The following TATDN1 variants were observed in gnomAD, a reference collection of about 807,000 sequenced individuals.
TATDN1 encodes deoxyribonuclease TATDN1.
A neutral mutation model predicts 46.4 loss-of-function variants in TATDN1; 40 were observed. That is an observed-to-expected ratio of 0.86 (90% CI 0.67 to 1.12). The LOEUF (loss-of-function observed/expected upper bound fraction) is 1.12. TATDN1 is among the 50% of genes most tolerant of loss of function. The pLI is 0.00. For synonymous variants in TATDN1, 95 were observed against 105.6 expected (o/e 0.90, Z 0.62); for missense variants, 326 against 348.4 (o/e 0.94, Z 0.51).
At chr8:124,529,466 A>T (rs1820775681) in intron 1 of TATDN1, among the ~76,000 whole-genome samples, 1 of 152,174 alleles carries the variant, frequency 6.6e-6, no homozygotes, top group African/African-American at 2.4e-5. Flanking sequence ...GTTACAAAAT[A>T]TCTCAGCAAG....
chr8:124,514,676 C>T (rs1203987430), intron 6 of TATDN1, among the ~76,000 whole-genome samples: 1 of 152,140 alleles, frequency 6.6e-6, no homozygotes, highest in Admixed American at 6.5e-5. Context: ...CAACAAAATG[C>T]TTACGTTTTA....
intron 1 of TATDN1, among the ~76,000 whole-genome samples, chr8:124,534,903 TTTAC>T (rs1216059860): frequency 6.6e-6 from 1 of 152,208 alleles, no homozygotes; most frequent in Non-Finnish European, 1.5e-5. Context: ...AGGAAAGCAC[TTTAC>T]TTATTACCCA....
rs1818710352 is a variant in TATDN1 at position 124,508,515 on chromosome 8, C to T, written c.476-1G>A. The T allele has an allele frequency of 6.2e-7, 1 of 1,612,844 alleles. No individual in the cohort carries two copies. The highest frequency in any genetic ancestry group is 1.1e-5 in the South Asian group (1 of 90,946). On this transcript the variant is annotated splice_acceptor_variant, in intron 7 of 11. Coordinates refer to ENST00000276692, the MANE Select transcript of TATDN1 (RefSeq NM_032026.4). LOFTEE classifies it high-confidence loss of function. Reference sequence around the variant, plus strand: ...CGATCTCTATTTCTTTTCATTATGTCTGTGAATTAAAAACAAAGAACTTTT... The same window carrying T: ...CGATCTCTATTTCTTTTCATTATGTTTGTGAATTAAAAACAAAGAACTTTT...
intron 2 of TATDN1, 110 bp downstream of exon 2, chr8:124,522,827 T>A: frequency 1.1e-6 from 1 of 929,670 alleles, no homozygotes; most frequent in Non-Finnish European, 1.8e-6. Flanking sequence ...AGTGCTGAGA[T>A]TACAGGTGTG....
intron 1 of TATDN1, among the ~76,000 whole-genome samples, chr8:124,536,859 T>A (rs1821466619): frequency 6.6e-6 from 1 of 152,092 alleles, no homozygotes; most frequent in African/African-American, 2.4e-5. Context: ...GTAAGTCATA[T>A]ACCAAGGATA....
intron 11 of TATDN1, among the ~76,000 whole-genome samples, chr8:124,492,318 A>G (rs1257177291): frequency 6.6e-6 from 1 of 152,196 alleles, no homozygotes; most frequent in Non-Finnish European, 1.5e-5. Context: ...AAACACCTTG[A>G]AATTTTGTCT....
At chr8:124,498,645 A>C (rs1817682169) in intron 9 of TATDN1, among the ~76,000 whole-genome samples, 1 of 151,852 alleles carries the variant, frequency 6.6e-6, no homozygotes, top group Non-Finnish European at 1.5e-5. Context: ...TTTCAGTTTC[A>C]CCTGTCTTCA....
intron 6 of TATDN1, among the ~76,000 whole-genome samples, chr8:124,515,262 T>G (rs994684460): frequency 6.6e-5 from 10 of 152,100 alleles, no homozygotes; most frequent in African/African-American, 2.4e-4. Context: ...ATGCCTGTAA[T>G]CCCAGCTACT....
At chr8:124,536,314 G>A (rs895323206) in intron 1 of TATDN1, among the ~76,000 whole-genome samples, 1 of 152,190 alleles carries the variant, frequency 6.6e-6, no homozygotes, top group African/African-American at 2.4e-5. Flanking sequence ...ACTTTGGGAG[G>A]CGGAGGTGGA....
intron 1 of TATDN1, among the ~76,000 whole-genome samples, chr8:124,531,796 G>A (rs975482865): frequency 4.6e-5 from 7 of 152,130 alleles, no homozygotes; most frequent in Admixed American, 6.5e-5. Context: ...ACATAGCGGT[G>A]GGGCAAGAGC....
chr8:124,534,690 C>G (rs548379471), intron 1 of TATDN1, among the ~76,000 whole-genome samples: 1 of 152,314 alleles, frequency 6.6e-6, no homozygotes, highest in Admixed American at 6.5e-5. Flanking sequence ...TAATTTAACT[C>G]AATTCTCACA....
At chr8:124,526,056 G>A (rs189977225) in intron 1 of TATDN1, among the ~76,000 whole-genome samples, 1 of 152,250 alleles carries the variant, frequency 6.6e-6, no homozygotes, top group East Asian at 1.9e-4. Flanking sequence ...CTAGACTGAC[G>A]CCAAGTGGCC....
At chr8:124,512,351 G>C (rs1449455129) in intron 6 of TATDN1, among the ~76,000 whole-genome samples, 2 of 152,168 alleles carry the variant, frequency 1.3e-5, no homozygotes, top group Non-Finnish European at 2.9e-5. Flanking sequence ...CTTGAACCTG[G>C]GAGGTGGAGG....
intron 6 of TATDN1, among the ~76,000 whole-genome samples, chr8:124,514,074 C>T (rs1819253116): frequency 6.6e-6 from 1 of 152,090 alleles, no homozygotes; most frequent in Non-Finnish European, 1.5e-5. Flanking sequence ...TACAAATGAG[C>T]GACCTAAAAG....
At chr8:124,532,721 G>A (rs1457790877) in intron 1 of TATDN1, among the ~76,000 whole-genome samples, 2 of 152,232 alleles carry the variant, frequency 1.3e-5, no homozygotes, top group African/African-American at 4.8e-5. Flanking sequence ...AGGCCAGTAG[G>A]CAGGCCCAAG....
intron 1 of TATDN1, chr8:124,526,700 C>T (rs1171596535): frequency 2.6e-5 from 4 of 152,244 alleles, no homozygotes; most frequent in East Asian, 1.9e-4. Context: ...ATTGACTTTT[C>T]GTTTTCAAAA....
chr8:124,504,293 G>A lies in TATDN1; in HGVS notation c.571C>T (p.Leu191Phe). 6.2e-7 allele frequency: 1 copy of A among 1,607,862 alleles called. No individual in the cohort carries two copies. The highest frequency in any genetic ancestry group is 8.5e-7 in the Non-Finnish European group (1 of 1,177,508). The change falls in exon 9 of 12, where the codon CTT becomes TTT. Residue 191 changes from leucine (L) to phenylalanine (F), a missense_variant. By Grantham distance (22) the Leu-to-Phe change is conservative (BLOSUM62 0). Transcript: ENST00000276692. ...EAAAALIDLD[L>F]YIGFNGCSLK... ...TACCAACCATTAAATCCTATATAAA[G>A]ATCCAAGTCAATCAAAGCAGCTGCT...
In TATDN1 at chr8:124,515,875, G is replaced by C. The variant is rs772905440; in HGVS notation, c.346+12C>G. Reference sequence around the variant, plus strand: ...AAACAATGTCACTCTAAGAGGCGAGGCTGGCACTCACCAAGTCCGCATTCT... The same window carrying C: ...AAACAATGTCACTCTAAGAGGCGAGCCTGGCACTCACCAAGTCCGCATTCT... On this transcript the variant is annotated intron_variant, in intron 5 of 11. Transcript: ENST00000276692. The C allele has an allele frequency of 4.3e-6, 7 of 1,613,976 alleles. No individual in the cohort carries two copies. The highest frequency in any genetic ancestry group is 5.1e-6 in the Non-Finnish European group (6 of 1,179,956).
chr8:124,496,277 C>G (rs1817459479), intron 9 of TATDN1, among the ~76,000 whole-genome samples: 1 of 152,110 alleles, frequency 6.6e-6, no homozygotes, highest in Admixed American at 6.5e-5. Flanking sequence ...CCATATGCTC[C>G]CACTCTCAAA....
Sources: allele counts gnomAD v4.1 joint callset (sites outside exome capture counted in the v4.1 genomes callset), GRCh38; gene constraint gnomAD v4.1.1; transcripts MANE v1.5; gene names NCBI Gene and HGNC (gene_info 2026-07-23, HGNC 2026-07-21).